The following MEI4 variants were observed in gnomAD, a reference collection of about 807,000 sequenced individuals.
The protein encoded by MEI4 is meiotic double-stranded break formation protein 4, also known as meiosis-specific protein MEI4.
In MEI4, 27 loss-of-function variants were observed where a neutral mutation model predicts 31.4. The observed-to-expected ratio is 0.86, with a 90% confidence interval of 0.63 to 1.19. The LOEUF (loss-of-function observed/expected upper bound fraction) is 1.19. Among genes scored for constraint, MEI4 ranks in the 50% most tolerant of loss-of-function variants. The pLI is 0.00. For synonymous variants in MEI4, 122 were observed against 145.4 expected (o/e 0.84, Z 1.16); for missense variants, 329 against 398.9 (o/e 0.82, Z 1.49).
chr6:77,806,397 G>T lies in MEI4; in HGVS notation c.769-22534G>T, dbSNP rs114384541. 4.5e-3 allele frequency among the ~76,000 whole-genome samples: 681 copies of T among 152,210 alleles called. 3 individuals carry two copies. Among genetic ancestry groups the T allele is most frequent in the African/African-American group, 0.014 (567 of 41,552 alleles). ...ACCCTTTGGTTACAGGTTAGCACAT[G>T]CAGTGGTGATAAACAGAGAATTTAA... On this transcript the variant is annotated intron_variant, in intron 3 of 4. Coordinates refer to ENST00000684080, the MANE Select transcript of MEI4 (RefSeq NM_001322247.2).
chr6:77,661,670 C>T (rs962951575), intron 1 of MEI4, among the ~76,000 whole-genome samples: 27 of 152,114 alleles, frequency 1.8e-4, no homozygotes, highest in South Asian at 8.3e-4. Context: ...TTCTAAGAGA[C>T]GGGCTAGCGG....
At chr6:77,897,293 G>C (rs1482548169) in intron 4 of MEI4, among the ~76,000 whole-genome samples, 1 of 151,888 alleles carries the variant, frequency 6.6e-6, no homozygotes, top group Non-Finnish European at 1.5e-5. Flanking sequence ...TCCTTATTGG[G>C]AGTTTCAGTA....
In MEI4 at chr6:77,714,238, A is replaced by T. The variant is rs531057786; in HGVS notation, c.232+23335A>T. ...TTACCTATGTAACACTTAAAAATTT[A>T]AAAAAAAAACAAAACAGAAAAGTAA... On this transcript the variant is annotated intron_variant, in intron 2 of 4. Coordinates refer to ENST00000684080, the MANE Select transcript of MEI4 (RefSeq NM_001322247.2). Among the ~76,000 whole-genome samples, 9 of 150,894 alleles carry T rather than the reference A, an allele frequency of 6.0e-5. No homozygotes were observed. In the South Asian group the frequency reaches 6.3e-4, roughly 11 times the overall value.
At chr6:77,810,483 T>C (rs1179824511) in intron 3 of MEI4, among the ~76,000 whole-genome samples, 1 of 149,888 alleles carries the variant, frequency 6.7e-6, no homozygotes, top group Non-Finnish European at 1.5e-5. Context: ...ATGAGCCTGA[T>C]AAGGGGTGAA....
At chr6:77,852,688 A>C (rs1261339320) in intron 4 of MEI4, among the ~76,000 whole-genome samples, 1 of 150,728 alleles carries the variant, frequency 6.6e-6, no homozygotes, top group Non-Finnish European at 1.5e-5. Context: ...CTGCATCCTC[A>C]TGTGGTGGAA....
intron 3 of MEI4, among the ~76,000 whole-genome samples, chr6:77,793,363 C>G (rs561682583): frequency 4.9e-4 from 75 of 152,168 alleles, no homozygotes; most frequent in Non-Finnish European, 8.1e-4. Flanking sequence ...TAGTTCATAA[C>G]TAGTCCTGTC....
rs544580606 is a variant in MEI4 at position 77,863,017 on chromosome 6, G to C, written c.900+33955G>C. Among the ~76,000 whole-genome samples, 3 of 152,310 alleles carry C rather than the reference G, an allele frequency of 2.0e-5. No homozygotes were observed. The East Asian group carries it at 5.8e-4, about 29-fold the overall frequency. On this transcript the variant is annotated intron_variant, in intron 4 of 4. Coordinates refer to ENST00000684080, the MANE Select transcript of MEI4 (RefSeq NM_001322247.2). ...CAACAGACCTGCAGCTGAAGGTCTTGACTGTTAGAAGGAAAACTAACAAAC... is the reference window on the plus strand; with the variant it reads ...CAACAGACCTGCAGCTGAAGGTCTTCACTGTTAGAAGGAAAACTAACAAAC...
intron 1 of MEI4, among the ~76,000 whole-genome samples, chr6:77,655,992 T>C (rs1768387579): frequency 6.6e-6 from 1 of 152,166 alleles, no homozygotes. Context: ...ATAATGAAAG[T>C]CCAATTTACT....
intron 3 of MEI4, among the ~76,000 whole-genome samples, chr6:77,792,260 G>A (rs1003956468): frequency 2.0e-5 from 3 of 152,132 alleles, no homozygotes; most frequent in Admixed American, 6.6e-5. Flanking sequence ...CAAGGAACAT[G>A]GGAGAATATA....
intron 4 of MEI4, among the ~76,000 whole-genome samples, chr6:77,887,741 T>A (rs1466637529): frequency 6.6e-6 from 1 of 152,254 alleles, no homozygotes; most frequent in Admixed American, 6.5e-5. Flanking sequence ...GTTAGTATAA[T>A]GTGTATCTGC....
chr6:77,704,785 TGAGTGTTTTGAATGATTCAAACACCC>T (rs1045392395), intron 2 of MEI4, among the ~76,000 whole-genome samples: 1 of 152,138 alleles, frequency 6.6e-6, no homozygotes, highest in African/African-American at 2.4e-5. Flanking sequence ...TCAAAACACC[TGAGTGTTTTGAATGATTCAAACACCC>T]AAGTGTAGTA....
chr6:77,706,418 A>T (rs1766334933), intron 2 of MEI4, among the ~76,000 whole-genome samples: 1 of 152,058 alleles, frequency 6.6e-6, no homozygotes, highest in South Asian at 2.1e-4. Flanking sequence ...GTTCAATTAC[A>T]TTTCTATATG....
At chr6:77,650,313 C>T (rs1179384135), upstream of MEI4, among the ~76,000 whole-genome samples, 2 of 152,226 alleles carry the variant, frequency 1.3e-5, no homozygotes, top group Admixed American at 6.5e-5. Context: ...GCACTCGTCT[C>T]CTCCTCGGAA....
At position 77,841,342 on chromosome 6, in the gene MEI4, T is replaced by A. The variant is rs1297571490; in HGVS notation, c.900+12280T>A. On this transcript the variant is annotated intron_variant, in intron 4 of 4. Transcript: ENST00000684080. Reference sequence around the variant, plus strand: ...ATATATATATATATATATTTTTTTTTTTTTTTTTTTTTTTGAGATGGAGTT... The same window carrying A: ...ATATATATATATATATATTTTTTTTATTTTTTTTTTTTTTGAGATGGAGTT... 4.6e-4 allele frequency among the ~76,000 whole-genome samples: 52 copies of A among 113,628 alleles called. 1 individual carries two copies. Among genetic ancestry groups the A allele is most frequent in the Middle Eastern group, 7.8e-3 (2 of 256 alleles). 74.5% of individuals were successfully genotyped at this position (113,628 alleles called of 152,430 possible).
At chr6:77,804,386 G>A (rs780694046) in intron 3 of MEI4, among the ~76,000 whole-genome samples, 129 of 152,170 alleles carry the variant, frequency 8.5e-4, no homozygotes, top group Non-Finnish European at 1.0e-3. Context: ...GGAATTCCCT[G>A]ACCCCTTGCA....
intron 4 of MEI4, among the ~76,000 whole-genome samples, chr6:77,915,545 C>G (rs1766526097): frequency 6.6e-6 from 1 of 151,942 alleles, no homozygotes; most frequent in Non-Finnish European, 1.5e-5. Context: ...GGGCTTTTCT[C>G]TTGCTATTGC....
chr6:77,891,398 ATTGTTGAAGATGTCTT>A, intron 4 of MEI4, among the ~76,000 whole-genome samples: 1 of 152,122 alleles, frequency 6.6e-6, no homozygotes, highest in East Asian at 1.9e-4. Flanking sequence ...TATGAAGTCT[ATTGTTGAAGATGTCTT>A]TTGTGATTTG....
chr6:77,836,014 CTT>C (rs1011895406), intron 4 of MEI4, among the ~76,000 whole-genome samples: 2 of 151,946 alleles, frequency 1.3e-5, no homozygotes, highest in Non-Finnish European at 2.9e-5. Flanking sequence ...AAACATGACA[CTT>C]TCACTGCGTG....
At chr6:77,765,698 A>G (rs1373226250) in intron 3 of MEI4, among the ~76,000 whole-genome samples, 1 of 151,520 alleles carries the variant, frequency 6.6e-6, no homozygotes, top group Non-Finnish European at 1.5e-5. Context: ...TATATACCCA[A>G]AGGATTATAA....
Sources: gnomAD v4.1 joint callset for allele counts (sites outside exome capture counted in the v4.1 genomes callset) on GRCh38, gnomAD v4.1.1 for gene constraint, MANE v1.5 for transcripts, NCBI Gene and HGNC (gene_info 2026-07-23, HGNC 2026-07-21) for gene names.